The following TCF20 variants were observed in gnomAD, a reference collection of about 807,000 sequenced individuals.
TCF20 encodes the protein SPRE-binding protein.
Under a neutral mutation model 148.6 loss-of-function variants are expected in TCF20, and 3 were observed. The ratio of observed to expected loss-of-function variants is 0.02; its 90% CI spans 0.01 to 0.05. The LOEUF is 0.05. TCF20 is among the 10% of genes least tolerant of loss of function. TCF20 has a pLI of 1.00. For missense variants in TCF20, 2,350 were observed against 2,429.3 expected (o/e 0.97, Z 0.69); for synonymous variants, 1,049 against 909.5 (o/e 1.15, Z -2.76).
At chr22:42,166,811 G>C (rs1305852399) in intron 5 of TCF20, among the ~76,000 whole-genome samples, 1 of 152,112 alleles carries the variant, frequency 6.6e-6, no homozygotes, top group Non-Finnish European at 1.5e-5. Flanking sequence ...AGGTCTTCTA[G>C]GACACATTCC....
chr22:42,230,102 A>G (rs904156276), intron 1 of TCF20, among the ~76,000 whole-genome samples: 19 of 152,222 alleles, frequency 1.2e-4, no homozygotes, highest in African/African-American at 4.1e-4. Context: ...CAGCACATGC[A>G]GACTTGTCTT....
At chr22:42,306,368 T>C (rs923709211) in intron 1 of TCF20, among the ~76,000 whole-genome samples, 1 of 152,234 alleles carries the variant, frequency 6.6e-6, no homozygotes, top group Non-Finnish European at 1.5e-5. Flanking sequence ...CTCATCTGCC[T>C]GCCAGGAGCA....
At position 42,292,720 on chromosome 22, in the gene TCF20, G is replaced by C. The variant is rs1322954165; in HGVS notation, c.-37+50759C>G. Among the ~76,000 whole-genome samples the C allele has an allele frequency of 6.6e-6, 1 of 152,010 alleles. No homozygotes were observed. Among genetic ancestry groups the C allele is most frequent in the African/African-American group, 2.4e-5 (1 of 41,386 alleles). ...CCTGGGACACAGGACCCCACGGCTA[G>C]GAAGACAAGGCTCGGATTGGATTCT... On this transcript the variant is annotated intron_variant, in intron 1 of 1. Transcript: ENST00000515426. This position sits in a 1 kb window ranked among gnomAD's most constrained non-coding sequence, Gnocchi z 4.9.
upstream of TCF20, among the ~76,000 whole-genome samples, chr22:42,284,076 G>A (rs1267047757): frequency 6.6e-6 from 1 of 152,180 alleles, no homozygotes; most frequent in Non-Finnish European, 1.5e-5. Context: ...GGCCCCTGCC[G>A]ATCTCACCTC....
intron 3 of TCF20, 67 bp downstream of exon 3, chr22:42,179,542 G>T: frequency 2.2e-6 from 2 of 898,002 alleles, no homozygotes; most frequent in Non-Finnish European, 3.3e-6. Flanking sequence ...AACGACAACA[G>T]AGAGAATCAA....
intron 2 of TCF20, among the ~76,000 whole-genome samples, chr22:42,185,509 T>C (rs1937002350): frequency 6.6e-6 from 1 of 152,142 alleles, no homozygotes; most frequent in East Asian, 1.9e-4. Context: ...ATGTGTTCAT[T>C]TTTGGCCACC....
At chr22:42,258,183 T>C (rs968619734) in intron 1 of TCF20, among the ~76,000 whole-genome samples, 10 of 152,198 alleles carry the variant, frequency 6.6e-5, no homozygotes, top group African/African-American at 2.4e-4. Context: ...ACAATTACTG[T>C]TTCCTTAGTC....
At chr22:42,328,482 C>T (rs543547631) in intron 1 of TCF20, among the ~76,000 whole-genome samples, 2 of 152,314 alleles carry the variant, frequency 1.3e-5, no homozygotes, top group South Asian at 2.1e-4. Context: ...CGCAGCCCCC[C>T]GTGAACCTGG....
At chr22:42,288,650 G>A (rs994645928), upstream of TCF20, among the ~76,000 whole-genome samples, 12 of 145,500 alleles carry the variant, frequency 8.2e-5, no homozygotes, top group Non-Finnish European at 3.0e-5. Context: ...AGAGGTTGCA[G>A]TGAGCCGAGA....
chr22:42,180,329 C>A (rs1936709341), intron 2 of TCF20, among the ~76,000 whole-genome samples: 1 of 152,090 alleles, frequency 6.6e-6, no homozygotes, highest in Non-Finnish European at 1.5e-5. Context: ...GAAAACCTGC[C>A]ATGAATTTCT....
chr22:42,273,360 CAAAAAAAAAAAA>C (rs35166029), upstream of TCF20, among the ~76,000 whole-genome samples: 17 of 61,274 alleles, frequency 2.8e-4, 1 homozygote, highest in South Asian at 9.7e-3. Flanking sequence ...AACTCCGTCT[CAAAAAAAAAAAA>C]AAAAAAAAAA....
At chr22:42,257,626 T>G (rs988554096) in intron 1 of TCF20, among the ~76,000 whole-genome samples, 3 of 152,220 alleles carry the variant, frequency 2.0e-5, no homozygotes, top group Non-Finnish European at 4.4e-5. Context: ...AACACAGCCC[T>G]GACTATAAGG....
intron 1 of TCF20, among the ~76,000 whole-genome samples, chr22:42,247,435 A>AT (rs1428100655): frequency 8.0e-6 from 1 of 124,960 alleles, no homozygotes; most frequent in Non-Finnish European, 1.7e-5. Flanking sequence ...GCGAGACTCC[A>AT]TCTCAAAAAA....
chr22:42,302,839 C>A (rs1354532103), intron 1 of TCF20, among the ~76,000 whole-genome samples: 1 of 152,216 alleles, frequency 6.6e-6, no homozygotes, highest in Non-Finnish European at 1.5e-5. Context: ...CAGGCTGGGA[C>A]CCCGTCAGGT....
intron 3 of TCF20, among the ~76,000 whole-genome samples, chr22:42,171,292 T>C (rs1225695877): frequency 6.6e-6 from 1 of 152,220 alleles, no homozygotes; most frequent in Non-Finnish European, 1.5e-5. Context: ...CCAGGCACCA[T>C]GGCAGGAGGC....
At chr22:42,161,709 C>G (rs575066303) in intron 5 of TCF20, among the ~76,000 whole-genome samples, 1 of 152,346 alleles carries the variant, frequency 6.6e-6, no homozygotes, top group South Asian at 2.1e-4. Flanking sequence ...TGGGGTTTTG[C>G]CAGTGTCAGG....
intron 1 of TCF20, among the ~76,000 whole-genome samples, chr22:42,257,880 TTC>T (rs1447795496): frequency 6.6e-6 from 1 of 152,202 alleles, no homozygotes; most frequent in Non-Finnish European, 1.5e-5. Flanking sequence ...TTCCATCTTA[TTC>T]TGTTTTGATA....
chr22:42,212,774 C>T lies in TCF20; in HGVS notation c.2532G>A (p.Lys844=), dbSNP rs1921137198. The T allele has an allele frequency of 6.2e-7, 1 of 1,614,216 alleles. No homozygotes were observed. Among genetic ancestry groups the T allele is most frequent in the African/African-American group, 1.3e-5 (1 of 75,066 alleles). Residue 844 remains lysine (K), a synonymous_variant, in exon 2 of 6, where the codon AAG becomes AAA. Coordinates refer to ENST00000677622, the MANE Select transcript of TCF20 (RefSeq NM_001378418.1). The part of the protein sequence containing the change: ...INLTDYPIPR[K]FEIEPQSSAH... ...CTGATGACTGAGGCTCTATTTCAAA[C>T]TTTCTGGGAATTGGATAGTCAGTCA...
intron 1 of TCF20, among the ~76,000 whole-genome samples, chr22:42,300,430 G>C (rs534226707): frequency 1.3e-5 from 2 of 152,204 alleles, no homozygotes; most frequent in African/African-American, 2.4e-5. Flanking sequence ...GCCAAATAGA[G>C]CATGTCCTGA....
Sources: gnomAD v4.1 joint callset for allele counts (sites outside exome capture counted in the v4.1 genomes callset) on GRCh38, gnomAD v4.1.1 for gene constraint, Gnocchi (gnomAD v3.1) non-coding constraint, MANE v1.5 for transcripts, NCBI Gene and HGNC (gene_info 2026-07-23, HGNC 2026-07-21) for gene names.